The following SYT9 variants were observed in gnomAD, a reference collection of about 807,000 sequenced individuals.
SYT9 encodes synaptotagmin-9.
In SYT9, 22 loss-of-function variants were observed where a neutral mutation model predicts 48.4. The ratio of observed to expected loss-of-function variants is 0.45; its 90% CI spans 0.32 to 0.65. The LOEUF (loss-of-function observed/expected upper bound fraction) is 0.65, where lower values mean the gene tolerates loss of function less well. Ranked by LOEUF, SYT9 falls within the 30% of genes least tolerant of loss-of-function variation. The pLI is 0.03. For missense variants in SYT9, 577 were observed against 622.0 expected (o/e 0.93, Z 0.77); for synonymous variants, 265 against 245.0 (o/e 1.08, Z -0.76).
chr11:7,239,045 C>T (rs543601014), intron 1 of SYT9: 1 of 413,096 alleles, frequency 2.4e-6, no homozygotes, highest in African/African-American at 2.0e-5. Flanking sequence ...GATATTGTTT[C>T]TGGCTACCTG....
At chr11:7,281,685 G>T (rs1487883) in intron 1 of SYT9, among the ~76,000 whole-genome samples, 129,768 of 152,044 alleles carry the variant, frequency 0.85, 55,606 homozygotes, top group South Asian at 0.91. Flanking sequence ...CACATAGAAA[G>T]ATATGAGGAT....
intron 3 of SYT9, among the ~76,000 whole-genome samples, chr11:7,392,228 T>C (rs1285107404): frequency 6.6e-6 from 1 of 152,176 alleles, no homozygotes; most frequent in Non-Finnish European, 1.5e-5. Flanking sequence ...TCTAAGATTT[T>C]TATAGTTTGA....
intron 6 of SYT9, among the ~76,000 whole-genome samples, chr11:7,465,209 C>T (rs913877318): frequency 6.6e-6 from 1 of 152,148 alleles, no homozygotes; most frequent in Non-Finnish European, 1.5e-5. Flanking sequence ...GACACAGAAA[C>T]AAAGACCCCT....
chr11:7,341,405 G>C (rs1485230650), intron 3 of SYT9, among the ~76,000 whole-genome samples: 1 of 152,048 alleles, frequency 6.6e-6, no homozygotes, highest in African/African-American at 2.4e-5. Context: ...GAATCATAAG[G>C]GTGGATTTTT....
rs374627069 is a variant in SYT9, at chr11:7,332,203, T to C, written c.1044+18262T>C. Among the ~76,000 whole-genome samples the C allele has an allele frequency of 5.3e-5, 8 of 152,178 alleles. No homozygotes were observed. In the East Asian group the frequency reaches 1.4e-3, roughly 26 times the overall value. On this transcript the variant is annotated intron_variant, in intron 3 of 6. Coordinates refer to ENST00000318881, the MANE Select transcript of SYT9 (RefSeq NM_175733.4). ...TCCTGAGCCTGATGCCACAAGGAGC[T>C]CTGGAGCGTGAAGAGCACCACTGAG...
intron 6 of SYT9, among the ~76,000 whole-genome samples, chr11:7,452,996 G>A (rs1408203210): frequency 1.3e-5 from 2 of 152,042 alleles, no homozygotes; most frequent in East Asian, 2.0e-4. Flanking sequence ...TGGTCAGGCT[G>A]CTCCCGAACT....
Position 7,252,156 on chromosome 11 carries a change from G to C in SYT9, c.-31G>C. Reference sequence around the variant, plus strand: ...GGAGGGCTGTCTCCTGCGCCCGCCTGCCCGGCGCGGTCCGAGGATGCGGGG... The same window carrying C: ...GGAGGGCTGTCTCCTGCGCCCGCCTCCCCGGCGCGGTCCGAGGATGCGGGG... On this transcript the variant is annotated 5_prime_UTR_variant, in exon 1 of 7. Transcript: ENST00000318881. The surrounding 1 kb of genome is among the most constrained non-coding windows in gnomAD (Gnocchi z 6.3). 7.1e-7 allele frequency: 1 copy of C among 1,405,034 alleles called. No homozygotes were observed. Among genetic ancestry groups the C allele is most frequent in the East Asian group, 3.1e-5 (1 of 32,736 alleles). 87.0% of individuals were successfully genotyped at this position (1,405,034 alleles called of 1,614,324 possible).
At chr11:7,450,246 T>G (rs1484053109) in intron 6 of SYT9, 1 of 152,170 alleles carries the variant, frequency 6.6e-6, no homozygotes, top group East Asian at 1.9e-4. Context: ...TTCTTCATGG[T>G]TATATGCCCC....
intron 1 of SYT9, among the ~76,000 whole-genome samples, chr11:7,241,237 C>CAT (rs1491545357): frequency 4.1e-5 from 6 of 146,542 alleles, no homozygotes; most frequent in Non-Finnish European, 5.9e-5. Context: ...CACACACACA[C>CAT]GCACACACTC....
chr11:7,408,753 A>G (rs1185395136), intron 3 of SYT9, among the ~76,000 whole-genome samples: 1 of 152,230 alleles, frequency 6.6e-6, no homozygotes, highest in East Asian at 1.9e-4. Context: ...CCATAAGATC[A>G]TATCATCAGC....
At chr11:7,377,575 A>G (rs1850477140) in intron 3 of SYT9, among the ~76,000 whole-genome samples, 1 of 151,998 alleles carries the variant, frequency 6.6e-6, no homozygotes, top group Non-Finnish European at 1.5e-5. Context: ...TTTTCCCACC[A>G]GCTTCAAACG....
intron 3 of SYT9, among the ~76,000 whole-genome samples, chr11:7,372,383 G>T (rs1242825773): frequency 6.6e-6 from 1 of 152,104 alleles, no homozygotes; most frequent in Non-Finnish European, 1.5e-5. Context: ...CACAATCTCA[G>T]CTTGCTGTAA....
intron 1 of SYT9, among the ~76,000 whole-genome samples, chr11:7,298,981 C>T (rs1047213956): frequency 2.0e-4 from 30 of 152,100 alleles, no homozygotes; most frequent in Non-Finnish European, 5.9e-5. Context: ...TCTTTTCTTC[C>T]TTGAGGGACT....
intron 3 of SYT9, among the ~76,000 whole-genome samples, chr11:7,413,661 T>G (rs1227069677): frequency 6.6e-6 from 1 of 152,154 alleles, no homozygotes; most frequent in Non-Finnish European, 1.5e-5. Flanking sequence ...GGAATTCCAG[T>G]GTTCTCTCTT....
chr11:7,259,743 GT>G (rs940578312), intron 1 of SYT9, among the ~76,000 whole-genome samples: 6 of 151,738 alleles, frequency 4.0e-5, no homozygotes, highest in East Asian at 3.9e-4. Context: ...GAATCTTAAT[GT>G]TTTTTTCTAC....
intron 3 of SYT9, among the ~76,000 whole-genome samples, chr11:7,350,543 C>G (rs1849893877): frequency 1.3e-5 from 2 of 152,230 alleles, no homozygotes; most frequent in Non-Finnish European, 2.9e-5. Flanking sequence ...TTTCCTATGT[C>G]TCAGCCTACT....
intron 2 of SYT9, among the ~76,000 whole-genome samples, chr11:7,305,386 C>G (rs1849012887): frequency 6.6e-6 from 1 of 152,136 alleles, no homozygotes; most frequent in Admixed American, 6.5e-5. Flanking sequence ...TTACTACTGA[C>G]CTAGTTTTAT....
chr11:7,288,501 T>C (rs1277495045), intron 1 of SYT9, among the ~76,000 whole-genome samples: 1 of 152,248 alleles, frequency 6.6e-6, no homozygotes, highest in Non-Finnish European at 1.5e-5. Flanking sequence ...TATCTAGGCC[T>C]ACTGGATCAT....
intron 6 of SYT9, chr11:7,437,628 T>G (rs1428631892): frequency 6.7e-6 from 1 of 148,326 alleles, no homozygotes; most frequent in Non-Finnish European, 1.5e-5. Context: ...CTAGAGTGAT[T>G]TTTTTTTTTT....
Sources: allele counts gnomAD v4.1 joint callset (sites outside exome capture counted in the v4.1 genomes callset), GRCh38; gene constraint gnomAD v4.1.1; non-coding constraint Gnocchi (gnomAD v3.1); transcripts MANE v1.5; gene names NCBI Gene and HGNC (gene_info 2026-07-23, HGNC 2026-07-21).